The following KHNYN variants were observed in gnomAD, a reference collection of about 807,000 sequenced individuals.
KHNYN encodes KH and NYN domain containing.
A neutral mutation model predicts 62.7 loss-of-function variants in KHNYN; 42 were observed. The ratio of observed to expected loss-of-function variants is 0.67; its 90% CI spans 0.52 to 0.87. KHNYN has a LOEUF of 0.87. Ranked by LOEUF, KHNYN falls within the 40% of genes least tolerant of loss-of-function variation. KHNYN has a pLI of 0.00. For synonymous variants in KHNYN, 347 were observed against 345.6 expected, an observed-to-expected ratio of 1.00 and a Z score of -0.04; for missense variants, 829 against 874.1, an observed-to-expected ratio of 0.95 and a Z score of 0.65.
In KHNYN at chr14:24,441,843, A is replaced by G. The variant is rs771641321; in HGVS notation, c.*4558A>G. On this transcript the variant is annotated 3_prime_UTR_variant, in exon 8 of 8. Transcript: ENST00000553935. Reference sequence around the variant, plus strand: ...AAAAAGCCACTAAATACATAAGTGCACATATCCCTCTCTCTGTCTTTTCCT... The same window carrying G: ...AAAAAGCCACTAAATACATAAGTGCGCATATCCCTCTCTCTGTCTTTTCCT... 23 of 1,577,892 alleles carry G rather than the reference A, an allele frequency of 1.5e-5. No homozygotes were observed. Among genetic ancestry groups the G allele is most frequent in the Non-Finnish European group, 1.9e-5 (22 of 1,161,620 alleles).
Position 24,436,161 on chromosome 14 carries a change from T to A in KHNYN, c.1667T>A (p.Met556Lys). 6.2e-7 allele frequency: 1 copy of A among 1,613,696 alleles called. No homozygotes were observed. The highest frequency in any genetic ancestry group is 8.5e-7 in the Non-Finnish European group (1 of 1,179,674). The stretch of plus-strand genomic sequence containing the variant: ...CTGGCGGAGGAGTCTGAGAAGTGGA[T>A]GGCAATCATCAGAGAACGGTGAGGG... ...RDLAEESEKW[M>K]AIIRERLLPF... Residue 556 changes from methionine (M) to lysine (K), a missense_variant, in exon 6 of 8, where the codon ATG becomes AAG. Coordinates refer to ENST00000553935, the MANE Select transcript of KHNYN (RefSeq NM_015299.3).
chr14:24,430,675 G>A (rs1480645008), intron 1 of KHNYN, 39 bp from the exon 2 acceptor site: 4 of 1,539,248 alleles, frequency 2.6e-6, no homozygotes, highest in Non-Finnish European at 3.5e-6. Context: ...TTTGGATGGA[G>A]GGTACAATGA....
upstream of KHNYN, chr14:24,429,718 C>T: frequency 1.0e-6 from 1 of 985,434 alleles, no homozygotes; most frequent in Non-Finnish European, 1.2e-6. Flanking sequence ...CAACTTTCAA[C>T]GCATGGTTCC....
Position 24,440,109 on chromosome 14 carries a change from C to T in KHNYN, c.*2824C>T. The T allele has an allele frequency of 6.2e-7, 1 of 1,606,932 alleles. No individual in the cohort carries two copies. The highest frequency in any genetic ancestry group is 8.5e-7 in the Non-Finnish European group (1 of 1,174,754). The stretch of plus-strand genomic sequence containing the variant: ...TAGGCTACAATTTCCTTTAAGGCAG[C>T]CCCTAGCTCTGGGAAGGAATACTGG... On this transcript the variant is annotated 3_prime_UTR_variant, in exon 8 of 8. Transcript: ENST00000553935.
At chr14:24,431,046 T>C in intron 2 of KHNYN, 115 bp downstream of exon 2, 1 of 976,848 alleles carries the variant, frequency 1.0e-6, no homozygotes, top group South Asian at 1.7e-5. Context: ...GGATCTCCAC[T>C]TCTTGGTTGT....
Position 24,438,679 on chromosome 14 carries a change from A to C in KHNYN, c.*1394A>C, listed in dbSNP as rs1428846897. 6.6e-6 allele frequency: 1 copy of C among 152,178 alleles called. No homozygotes were observed. The highest frequency in any genetic ancestry group is 1.5e-5 in the Non-Finnish European group (1 of 68,032). 9.4% of individuals were successfully genotyped at this position (152,178 alleles called of 1,614,324 possible). On this transcript the variant is annotated 3_prime_UTR_variant, in exon 8 of 8. Coordinates refer to ENST00000553935, the MANE Select transcript of KHNYN (RefSeq NM_015299.3). ...GGTATTAATCAGTACTCCTTACTTT[A>C]GTGCAGCCTAAAGTATGCTTTTCTG...
In KHNYN at chr14:24,430,936, A is replaced by C; in HGVS notation, c.201+5A>C. 6.2e-7 allele frequency: 1 copy of C among 1,609,240 alleles called. No individual in the cohort carries two copies. On this transcript the variant is annotated splice_donor_5th_base_variant and intron_variant, in intron 2 of 7. Transcript: ENST00000553935. The stretch of plus-strand genomic sequence containing the variant: ...GAAAACGCCAGCAGAGCCAAGGTGA[A>C]CGCCTTCTCTCCCCCATCCCTCCAG...
the KHNYN span, among the ~76,000 whole-genome samples, chr14:24,423,776 G>T: frequency 6.6e-6 from 1 of 152,208 alleles, no homozygotes; most frequent in South Asian, 2.1e-4. Flanking sequence ...TTCTCTGTAG[G>T]AATCAGCTGC....
At chr14:24,429,756 G>A (rs1219804583), upstream of KHNYN, 6 of 985,402 alleles carry the variant, frequency 6.1e-6, no homozygotes, top group Non-Finnish European at 7.2e-6. Flanking sequence ...TGCGCAGAAT[G>A]CGCGAGGACC....
rs750901106 is a variant in KHNYN at position 24,433,045 on chromosome 14, C to G, written c.1577+13C>G. On this transcript the variant is annotated intron_variant, in intron 5 of 7. Coordinates refer to ENST00000553935, the MANE Select transcript of KHNYN (RefSeq NM_015299.3). ...CCTATGATGACAGGTACTTGCTCCT[C>G]TCCTGGCCCCAGGCTTGATATTGAA... 13 of 1,607,204 alleles carry G rather than the reference C, an allele frequency of 8.1e-6. No individual in the cohort carries two copies. Among genetic ancestry groups the G allele is most frequent in the Non-Finnish European group, 1.1e-5 (13 of 1,173,872 alleles).
Position 24,437,228 on chromosome 14 carries a change from G to A in KHNYN, c.1980G>A (p.Glu660=). The change falls in exon 8 of 8, where the codon GAG becomes GAA. Residue 660 remains glutamate, a synonymous_variant. Transcript: ENST00000553935. The surrounding 1 kb of genome is among the most constrained non-coding windows in gnomAD (Gnocchi z 5.5). ...AAGTGGACTTCATCCTGCAGCGGGA[G>A]CCATACTGCCGGGACATCAACCAAC... ...DHKVDFILQR[E]PYCRDINQLS... The A allele has an allele frequency of 6.2e-7, 1 of 1,614,184 alleles. No homozygotes were observed. Among genetic ancestry groups the A allele is most frequent in the South Asian group, 1.1e-5 (1 of 91,078 alleles).
Position 24,432,260 on chromosome 14 carries a change from C to T in KHNYN, c.999C>T (p.His333=), listed in dbSNP as rs1418715988. 6 of 1,612,410 alleles carry T rather than the reference C, an allele frequency of 3.7e-6. No individual in the cohort carries two copies. Among genetic ancestry groups the T allele is most frequent in the Non-Finnish European group, 5.1e-6 (6 of 1,178,996 alleles). ...CTCCCGGTGCCCATGGCTCCTGTCA[C>T]AGGGCAGCTCAGTCCCGAGGAGCCT... is the stretch of plus-strand genomic sequence containing the variant. The part of the protein sequence containing the change: ...REPPGAHGSC[H]RAAQSRGASL... The change falls in exon 3 of 8, where the codon CAC becomes CAT. Residue 333 remains histidine (H), a synonymous_variant. Coordinates refer to ENST00000553935, the MANE Select transcript of KHNYN (RefSeq NM_015299.3). This position sits in a 1 kb window ranked among gnomAD's most constrained non-coding sequence, Gnocchi z 5.6.
chr14:24,440,599 G>T lies in KHNYN; in HGVS notation c.*3314G>T. ...TCCTCACTCTCCCCATGCTGACTTG[G>T]CTCTGTAACAGAAGTGAGCAGTATG... On this transcript the variant is annotated 3_prime_UTR_variant, in exon 8 of 8. Transcript: ENST00000553935. 7.0e-7 allele frequency: 1 copy of T among 1,419,006 alleles called. No individual in the cohort carries two copies. The highest frequency in any genetic ancestry group is 9.7e-7 in the Non-Finnish European group (1 of 1,034,788). The allele number at this position is 1,419,006 out of a possible 1,614,324, so 87.9% of individuals were successfully genotyped here.
chr14:24,436,704 A>C (rs1220383610), intron 7 of KHNYN, among the ~76,000 whole-genome samples: 2 of 152,162 alleles, frequency 1.3e-5, no homozygotes, highest in East Asian at 1.9e-4. Context: ...GTTTCTCTTA[A>C]TCAGCATGTT....
In KHNYN at chr14:24,432,970, C is replaced by T. The variant is rs2043147663; in HGVS notation, c.1515C>T (p.Ser505=). ...SHFLQKLYSL[S]LLSLTPSRVM... ...TCCTGCAAAAGCTGTATTCCCTCAG[C>T]CTGCTCTCCCTCACACCCTCACGAG... The change falls in exon 5 of 8, where the codon AGC becomes AGT. Residue 505 remains serine (S), a synonymous_variant. Coordinates refer to ENST00000553935, the MANE Select transcript of KHNYN (RefSeq NM_015299.3). This position sits in a 1 kb window ranked among gnomAD's most constrained non-coding sequence, Gnocchi z 5.6. 1.2e-6 allele frequency: 2 copies of T among 1,614,208 alleles called. No individual in the cohort carries two copies. The highest frequency in any genetic ancestry group is 1.7e-6 in the Non-Finnish European group (2 of 1,180,024).
Position 24,440,470 on chromosome 14 carries a change from A to C in KHNYN, c.*3185A>C, listed in dbSNP as rs1381030062. The C allele has an allele frequency of 6.2e-7, 1 of 1,607,410 alleles. No homozygotes were observed. Among genetic ancestry groups the C allele is most frequent in the East Asian group, 2.2e-5 (1 of 44,558 alleles). On this transcript the variant is annotated 3_prime_UTR_variant, in exon 8 of 8. Coordinates refer to ENST00000553935, the MANE Select transcript of KHNYN (RefSeq NM_015299.3). ...GCAGCAGCATGTGGCCCATGGCACC[A>C]CCCCCACGGCCCAGCACAACCCCTA...
chr14:24,430,566 C>T, intron 1 of KHNYN, 148 bp from the exon 2 acceptor site: 1 of 1,430,216 alleles, frequency 7.0e-7, no homozygotes, highest in Non-Finnish European at 9.1e-7. Flanking sequence ...CCCTCCCTAC[C>T]TCCAGTGGAC....
chr14:24,428,629 A>G (rs1594749482), upstream of KHNYN: 2 of 1,200,396 alleles, frequency 1.7e-6, no homozygotes, highest in East Asian at 2.4e-5. Flanking sequence ...GCAATAGGCC[A>G]GATTAGTGAA....
At position 24,440,671 on chromosome 14, in the gene KHNYN, G is replaced by T; in HGVS notation, c.*3386G>T. ...CTTCTCATCTGCAGGTTGGCTAGAA[G>T]TGGTGGCATCCTCTCACTCTGTAAT... On this transcript the variant is annotated 3_prime_UTR_variant, in exon 8 of 8. Transcript: ENST00000553935. The T allele has an allele frequency of 7.0e-7, 1 of 1,434,066 alleles. No individual in the cohort carries two copies. The highest frequency in any genetic ancestry group is 9.6e-7 in the Non-Finnish European group (1 of 1,039,922). 88.8% of individuals were successfully genotyped at this position (1,434,066 alleles called of 1,614,324 possible). A position where few individuals can be genotyped will look rare whatever the true frequency, so the allele number is the denominator to read the frequency against.
Sources: gnomAD v4.1 joint callset for allele counts (sites outside exome capture counted in the v4.1 genomes callset) on GRCh38, gnomAD v4.1.1 for gene constraint, Gnocchi (gnomAD v3.1) non-coding constraint, MANE v1.5 for transcripts, NCBI Gene and HGNC (gene_info 2026-07-23, HGNC 2026-07-21) for gene names.